Variants in UBE2H observed in about 807,000 individuals in gnomAD.
UBE2H encodes ubiquitin conjugating enzyme E2 H.
A neutral mutation model predicts 29.0 loss-of-function variants in UBE2H; 3 were observed. That is an observed-to-expected ratio of 0.10 (90% CI 0.05 to 0.27). The LOEUF is 0.27. Ranked by LOEUF, UBE2H falls within the 10% of genes least tolerant of loss-of-function variation. UBE2H has a pLI of 1.00. For missense variants in UBE2H, 68 were observed against 228.2 expected, an observed-to-expected ratio of 0.30 and a Z score of 4.52; for synonymous variants, 69 against 82.9, an observed-to-expected ratio of 0.83 and a Z score of 0.91.
chr7:129,941,580 TGTCA>T (rs1268520265), intron 1 of UBE2H, among the ~76,000 whole-genome samples: 1 of 152,080 alleles, frequency 6.6e-6, no homozygotes, highest in Non-Finnish European at 1.5e-5. Context: ...AAGTTCCAGC[TGTCA>T]GTAATATTAA....
intron 1 of UBE2H, among the ~76,000 whole-genome samples, chr7:129,902,778 C>T (rs1806742077): frequency 6.6e-6 from 1 of 152,144 alleles, no homozygotes; most frequent in Non-Finnish European, 1.5e-5. Context: ...AGCCTTGCCT[C>T]CCCCCACCAT....
intron 1 of UBE2H, among the ~76,000 whole-genome samples, chr7:129,916,842 CCTGG>C (rs1377522420): frequency 6.6e-6 from 1 of 152,222 alleles, no homozygotes; most frequent in East Asian, 1.9e-4. Flanking sequence ...TCAAGACCAT[CCTGG>C]CTAACACGGT....
At chr7:129,902,922 C>T (rs1806746124) in intron 1 of UBE2H, among the ~76,000 whole-genome samples, 1 of 152,202 alleles carries the variant, frequency 6.6e-6, no homozygotes, top group Non-Finnish European at 1.5e-5. Flanking sequence ...CTCAACAACC[C>T]TATCATGCAA....
intron 3 of UBE2H, among the ~76,000 whole-genome samples, chr7:129,868,549 C>T (rs1381276624): frequency 3.5e-5 from 5 of 140,872 alleles, no homozygotes; most frequent in African/African-American, 1.1e-4. Context: ...CACTGCAGTC[C>T]GCAGTCCGGC....
intron 1 of UBE2H, among the ~76,000 whole-genome samples, chr7:129,923,215 G>A (rs1008968883): frequency 2.6e-5 from 4 of 152,038 alleles, no homozygotes; most frequent in African/African-American, 7.3e-5. Flanking sequence ...ACTTAATATT[G>A]CCATTATTAT....
chr7:129,836,879 C>CAAAAAAAAAA lies in UBE2H; in HGVS notation c.428-1828_428-1819dup, dbSNP rs61226846. ...TAGGCGACAGGGCAAGACTCCGTCT[C>CAAAAAAAAAA]AAAAAAAAAAAAAAAAAAAAAAAAA... On this transcript the variant is annotated intron_variant, in intron 6 of 6. Transcript: ENST00000355621. Among the ~76,000 whole-genome samples, 223 of 73,722 alleles carry CAAAAAAAAAA rather than the reference C, an allele frequency of 3.0e-3. 20 individuals are homozygous for CAAAAAAAAAA. Among genetic ancestry groups the CAAAAAAAAAA allele is most frequent in the East Asian group, 6.7e-3 (11 of 1,652 alleles). 48.4% of individuals were successfully genotyped at this position (73,722 alleles called of 152,430 possible).
intron 3 of UBE2H, among the ~76,000 whole-genome samples, chr7:129,864,556 C>CTTTTTTTTTTTTTT (rs367930226): frequency 3.1e-5 from 4 of 130,976 alleles, no homozygotes; most frequent in Admixed American, 1.7e-4. Context: ...TCTTTTCTTT[C>CTTTTTTTTTTTTTT]TTTTTTTTTT....
chr7:129,921,691 T>TCA (rs1171299802), intron 1 of UBE2H, among the ~76,000 whole-genome samples: 7,252 of 89,396 alleles, frequency 0.081, 197 homozygotes, highest in Middle Eastern at 0.15. Context: ...AGAGACTCTG[T>TCA]CACAAAAAAA....
At chr7:129,905,410 T>A (rs1308347360) in intron 1 of UBE2H, among the ~76,000 whole-genome samples, 5 of 152,146 alleles carry the variant, frequency 3.3e-5, no homozygotes, top group Admixed American at 3.3e-4. Context: ...TAGTATGGGA[T>A]CCCAGCTATG....
chr7:129,855,810 C>T (rs1012043726), intron 5 of UBE2H, among the ~76,000 whole-genome samples: 3 of 152,150 alleles, frequency 2.0e-5, no homozygotes, highest in Non-Finnish European at 4.4e-5. Flanking sequence ...GATGGGAGGA[C>T]TGTTCGAGCC....
intron 5 of UBE2H, among the ~76,000 whole-genome samples, chr7:129,853,722 C>T (rs1805652602): frequency 6.6e-6 from 1 of 152,146 alleles, no homozygotes; most frequent in African/African-American, 2.4e-5. Context: ...AGTCAACTGG[C>T]TTACCAGAAA....
intron 1 of UBE2H, among the ~76,000 whole-genome samples, chr7:129,885,813 A>T (rs1806348792): frequency 6.6e-6 from 1 of 152,226 alleles, no homozygotes; most frequent in South Asian, 2.1e-4. Context: ...AGTCCAAAGA[A>T]AAACACTGCA....
chr7:129,939,783 C>A (rs1366594500), intron 1 of UBE2H, among the ~76,000 whole-genome samples: 3 of 151,984 alleles, frequency 2.0e-5, no homozygotes, highest in African/African-American at 7.3e-5. Context: ...CATGGTGAAA[C>A]CCCATCTCTA....
intron 3 of UBE2H, among the ~76,000 whole-genome samples, chr7:129,876,647 A>G (rs1806149211): frequency 6.6e-6 from 1 of 152,172 alleles, no homozygotes; most frequent in African/African-American, 2.4e-5. Flanking sequence ...CCATTTCAAA[A>G]ATTCACATCC....
At chr7:129,843,487 C>T in intron 5 of UBE2H, among the ~76,000 whole-genome samples, 1 of 152,134 alleles carries the variant, frequency 6.6e-6, no homozygotes, top group Non-Finnish European at 1.5e-5. Context: ...CAAACCTGAG[C>T]TCATCCACTA....
At chr7:129,884,234 G>A (rs1316460898) in intron 1 of UBE2H, among the ~76,000 whole-genome samples, 5 of 151,978 alleles carry the variant, frequency 3.3e-5, no homozygotes, top group African/African-American at 9.7e-5. Context: ...TGGTTAACAC[G>A]GTGAAACCCC....
chr7:129,857,312 T>G (rs1563023991), intron 5 of UBE2H, 199 bp downstream of exon 5: 1 of 583,804 alleles, frequency 1.7e-6, no homozygotes, highest in Non-Finnish European at 3.0e-6. Context: ...AAAAAATCAT[T>G]TTAAACTTCC....
chr7:129,864,821 G>A (rs1009579556), intron 3 of UBE2H, among the ~76,000 whole-genome samples: 1 of 151,678 alleles, frequency 6.6e-6, no homozygotes, highest in Non-Finnish European at 1.5e-5. Flanking sequence ...CAAAGTGCTG[G>A]GATTACAGGA....
chr7:129,869,000 G>C (rs1452511552), intron 3 of UBE2H, among the ~76,000 whole-genome samples: 1 of 149,860 alleles, frequency 6.7e-6, no homozygotes, highest in Non-Finnish European at 1.5e-5. Context: ...GCAATGGCGC[G>C]ATCTCGGCTC....
Sources: allele counts gnomAD v4.1 joint callset (sites outside exome capture counted in the v4.1 genomes callset), GRCh38; gene constraint gnomAD v4.1.1; transcripts MANE v1.5; gene names NCBI Gene and HGNC (gene_info 2026-07-23, HGNC 2026-07-21).